The following PLXDC2 variants were observed in gnomAD, a reference collection of about 807,000 sequenced individuals.
PLXDC2 encodes plexin domain containing 2.
PLXDC2 carries 40 observed loss-of-function variants against 68.9 expected under a neutral mutation model. The ratio of observed to expected loss-of-function variants is 0.58; its 90% CI spans 0.45 to 0.76. The LOEUF (loss-of-function observed/expected upper bound fraction) is 0.76. Among genes scored for constraint, PLXDC2 ranks in the 30% least tolerant of loss-of-function variants. The pLI is 0.00. For synonymous variants in PLXDC2, 243 were observed against 234.2 expected (o/e 1.04, Z -0.34); for missense variants, 644 against 661.9 (o/e 0.97, Z 0.30).
intron 4 of PLXDC2, among the ~76,000 whole-genome samples, chr10:20,078,510 A>T (rs1195810185): frequency 6.6e-6 from 1 of 152,224 alleles, no homozygotes; most frequent in African/African-American, 2.4e-5. Context: ...GTGTTATAAG[A>T]TTATGTGTTA....
At chr10:20,009,314 C>T (rs1000757877) in intron 2 of PLXDC2, among the ~76,000 whole-genome samples, 1 of 150,546 alleles carries the variant, frequency 6.6e-6, no homozygotes, top group African/African-American at 2.5e-5. Flanking sequence ...AAGAAAGTAT[C>T]CTTTGATATT....
At chr10:19,885,807 T>C (rs1837835405) in intron 1 of PLXDC2, among the ~76,000 whole-genome samples, 1 of 152,196 alleles carries the variant, frequency 6.6e-6, no homozygotes, top group African/African-American at 2.4e-5. Context: ...AGCTTTGTTC[T>C]TTTGGCTTAG....
In PLXDC2 at chr10:19,816,989, C is replaced by A. The variant is rs1836355078; in HGVS notation, c.-91C>A. ...TCCGGGTCCTACCGAGACCGATCCG[C>A]AGCGTTTGGCCCGGTCGTGCCTATT... On this transcript the variant is annotated 5_prime_UTR_variant, in exon 1 of 14. Transcript: ENST00000377252. 9.8e-6 allele frequency: 9 copies of A among 914,672 alleles called. No individual in the cohort carries two copies. The highest frequency in any genetic ancestry group is 2.2e-5 in the Admixed American group (1 of 45,624). 56.7% of individuals were successfully genotyped at this position (914,672 alleles called of 1,614,324 possible). A position where few individuals can be genotyped will look rare whatever the true frequency, so the allele number is the denominator to read the frequency against.
At chr10:20,073,326 A>G (rs1836373686) in intron 4 of PLXDC2, among the ~76,000 whole-genome samples, 1 of 152,224 alleles carries the variant, frequency 6.6e-6, no homozygotes, top group African/African-American at 2.4e-5. Flanking sequence ...CAAATTTAAC[A>G]TTGAAATTAA....
At chr10:20,134,704 T>G (rs867102200) in intron 4 of PLXDC2, among the ~76,000 whole-genome samples, 1 of 152,280 alleles carries the variant, frequency 6.6e-6, no homozygotes, top group Middle Eastern at 3.4e-3. Flanking sequence ...AAGGCCAAAC[T>G]ACTTTGTACC....
At chr10:19,897,056 T>G (rs1023788805) in intron 1 of PLXDC2, among the ~76,000 whole-genome samples, 2 of 152,194 alleles carry the variant, frequency 1.3e-5, no homozygotes, top group African/African-American at 4.8e-5. Context: ...TAGAACAGTT[T>G]CTTGCACGTA....
chr10:19,822,799 T>C (rs1192999515), intron 1 of PLXDC2, among the ~76,000 whole-genome samples: 1 of 152,244 alleles, frequency 6.6e-6, no homozygotes, highest in Non-Finnish European at 1.5e-5. Flanking sequence ...ATGTCTTTTT[T>C]AGGCACTTTG....
intron 13 of PLXDC2, among the ~76,000 whole-genome samples, chr10:20,263,677 T>G (rs887386466): frequency 6.6e-6 from 1 of 152,060 alleles, no homozygotes; most frequent in Non-Finnish European, 1.5e-5. Flanking sequence ...AACAGACACT[T>G]CTCAAAAGAA....
rs141111054 is a variant in PLXDC2 at position 20,044,609 on chromosome 10, C to G, written c.325-2260C>G. ...ACAGGCATGAGCCACCGCGTCCAGCCTGCAATTCTTTCTTTAGCTATGTGT... is the reference window on the plus strand; with the variant it reads ...ACAGGCATGAGCCACCGCGTCCAGCGTGCAATTCTTTCTTTAGCTATGTGT... On this transcript the variant is annotated intron_variant, in intron 2 of 13. Transcript: ENST00000377252. Among the ~76,000 whole-genome samples the G allele has an allele frequency of 2.7e-3, 414 of 152,010 alleles. 6 individuals carry two copies. Among genetic ancestry groups the G allele is most frequent in the African/African-American group, 9.0e-3 (372 of 41,398 alleles).
chr10:20,230,098 A>T (rs1412909374), intron 12 of PLXDC2, among the ~76,000 whole-genome samples: 1 of 152,232 alleles, frequency 6.6e-6, no homozygotes, highest in Non-Finnish European at 1.5e-5. Context: ...CAAACATACT[A>T]GTAACTATTT....
At chr10:19,934,670 C>T (rs1411607934) in intron 1 of PLXDC2, among the ~76,000 whole-genome samples, 1 of 152,160 alleles carries the variant, frequency 6.6e-6, no homozygotes, top group African/African-American at 2.4e-5. Flanking sequence ...ACTTCTTTTT[C>T]CATATTGTGG....
intron 13 of PLXDC2, among the ~76,000 whole-genome samples, chr10:20,277,207 TCA>T (rs1564374237): frequency 4.7e-5 from 1 of 21,258 alleles, no homozygotes; most frequent in African/African-American, 2.3e-4. Flanking sequence ...AGATTCCATC[TCA>T]AAAAAAAAAA....
chr10:19,845,838 A>T (rs747239916), intron 1 of PLXDC2, among the ~76,000 whole-genome samples: 3 of 152,160 alleles, frequency 2.0e-5, no homozygotes, highest in Non-Finnish European at 2.9e-5. Flanking sequence ...GCCATGGAAA[A>T]GGGGCAGTAA....
intron 1 of PLXDC2, among the ~76,000 whole-genome samples, chr10:19,935,950 A>G (rs1356162169): frequency 2.6e-5 from 4 of 152,230 alleles, no homozygotes; most frequent in African/African-American, 9.6e-5. Context: ...TAAAGAATTC[A>G]TCAGCATCTG....
At chr10:20,219,304 C>T (rs1267287764) in intron 12 of PLXDC2, among the ~76,000 whole-genome samples, 3 of 152,102 alleles carry the variant, frequency 2.0e-5, no homozygotes, top group Non-Finnish European at 2.9e-5. Flanking sequence ...GTGTATAAAA[C>T]TGTGACACCA....
chr10:20,093,583 A>T (rs2884579), intron 4 of PLXDC2, among the ~76,000 whole-genome samples: 16 of 151,880 alleles, frequency 1.1e-4, no homozygotes, highest in South Asian at 8.3e-4. Context: ...AAAGAACAAT[A>T]TTTTTTTTTC....
intron 1 of PLXDC2, among the ~76,000 whole-genome samples, chr10:19,946,308 C>T (rs987801800): frequency 6.6e-6 from 1 of 151,894 alleles, no homozygotes; most frequent in African/African-American, 2.4e-5. Context: ...TCAATACTCT[C>T]TATAACTTTT....
chr10:19,978,783 T>C (rs1181981984), intron 1 of PLXDC2, among the ~76,000 whole-genome samples: 1 of 152,240 alleles, frequency 6.6e-6, no homozygotes, highest in Non-Finnish European at 1.5e-5. Context: ...GGACCTGCTA[T>C]TTGATGATTA....
intron 2 of PLXDC2, among the ~76,000 whole-genome samples, chr10:20,020,663 A>G (rs1458699189): frequency 6.6e-6 from 1 of 152,150 alleles, no homozygotes; most frequent in Non-Finnish European, 1.5e-5. Context: ...GCTTTAGGCT[A>G]TTTTTGAAAC....
Sources: allele counts gnomAD v4.1 joint callset (sites outside exome capture counted in the v4.1 genomes callset), GRCh38; gene constraint gnomAD v4.1.1; transcripts MANE v1.5; gene names NCBI Gene and HGNC (gene_info 2026-07-23, HGNC 2026-07-21).